The following PCDHA4 variants were observed in gnomAD, a reference collection of about 807,000 sequenced individuals.
PCDHA4 encodes protocadherin alpha-4.
A neutral mutation model predicts 61.4 loss-of-function variants in PCDHA4; 49 were observed. The ratio of observed to expected loss-of-function variants is 0.80; its 90% confidence interval spans 0.63 to 1.01. The LOEUF (loss-of-function observed/expected upper bound fraction) is 1.01, where lower values mean the gene tolerates loss of function less well. PCDHA4 is among the 50% of genes least tolerant of loss of function. PCDHA4 has a pLI of 0.00. For synonymous variants in PCDHA4, 590 were observed against 550.3 expected (o/e 1.07, Z -1.01); for missense variants, 1,254 against 1,235.8 (o/e 1.01, Z -0.22).
chr5:140,834,216 C>A, intron 1 of PCDHA4: 2 of 658,062 alleles, frequency 3.0e-6, no homozygotes, highest in South Asian at 2.3e-5. Flanking sequence ...CTTTCGTAAT[C>A]AGCAAAAGGA....
At chr5:140,969,588 T>A in intron 1 of PCDHA4, 1 of 849,870 alleles carries the variant, frequency 1.2e-6, no homozygotes, top group Non-Finnish European at 1.8e-6. Context: ...GGATTAGTCT[T>A]AATATTTAAT....
intron 1 of PCDHA4, among the ~76,000 whole-genome samples, chr5:140,978,596 C>T (rs2096811689): frequency 6.6e-6 from 1 of 152,204 alleles, no homozygotes; most frequent in African/African-American, 2.4e-5. Context: ...CTTAATGGGG[C>T]ACTTGAGGGC....
chr5:140,928,854 G>A (rs2085594573), intron 1 of PCDHA4: 1 of 1,614,178 alleles, frequency 6.2e-7, no homozygotes, highest in Non-Finnish European at 8.5e-7. Context: ...CTCTGGGTGT[G>A]CTGTTGAGCA....
At chr5:140,864,608 T>C (rs1180007033) in intron 1 of PCDHA4, 3 of 152,188 alleles carry the variant, frequency 2.0e-5, no homozygotes, top group Non-Finnish European at 4.4e-5. Context: ...GCCAACAACT[T>C]TGTTCTTTTT....
chr5:140,842,130 A>C (rs2150330073), intron 1 of PCDHA4: 1 of 1,613,892 alleles, frequency 6.2e-7, no homozygotes, highest in Non-Finnish European at 8.5e-7. Flanking sequence ...TCTGATCCGG[A>C]TGAAGGAGCC....
At chr5:140,949,181 A>G (rs2094350223) in intron 1 of PCDHA4, among the ~76,000 whole-genome samples, 2 of 151,604 alleles carry the variant, frequency 1.3e-5, no homozygotes, top group Non-Finnish European at 3.0e-5. Context: ...CAGAGAACAT[A>G]CTCTGCATGA....
At chr5:140,902,395 G>A (rs782771913) in intron 1 of PCDHA4, among the ~76,000 whole-genome samples, 2 of 151,802 alleles carry the variant, frequency 1.3e-5, no homozygotes, top group Non-Finnish European at 2.9e-5. Context: ...GTACTATGTT[G>A]AATACTATGT....
chr5:140,945,182 A>G (rs2093754559), intron 1 of PCDHA4, among the ~76,000 whole-genome samples: 1 of 152,174 alleles, frequency 6.6e-6, no homozygotes, highest in Non-Finnish European at 1.5e-5. Context: ...ATAAATCAAG[A>G]AAACCATGCT....
chr5:140,983,218 C>T (rs757778991), intron 3 of PCDHA4, among the ~76,000 whole-genome samples: 10 of 152,128 alleles, frequency 6.6e-5, no homozygotes, highest in Non-Finnish European at 1.5e-4. Flanking sequence ...ATTTCCTAAT[C>T]CAAACTTTCA....
Position 140,807,105 on chromosome 5 carries a change from G to T in PCDHA4, c.-83G>T. ...TGGAGTCTGAAATATGGAGGATGCA[G>T]CTGCACTTGACTGACCGATTAAAAG... On this transcript the variant is annotated 5_prime_UTR_variant, in exon 1 of 4. Coordinates refer to ENST00000530339, the MANE Select transcript of PCDHA4 (RefSeq NM_018907.4). The T allele has an allele frequency of 1.4e-6, 2 of 1,454,342 alleles. No homozygotes were observed. Among genetic ancestry groups the T allele is most frequent in the Non-Finnish European group, 1.9e-6 (2 of 1,066,796 alleles). The allele number at this position is 1,454,342 out of a possible 1,614,324, so 90.1% of individuals were successfully genotyped here. A position where few individuals can be genotyped will look rare whatever the true frequency, so the allele number is the denominator to read the frequency against.
At chr5:140,843,610 G>A (rs1554140251) in intron 1 of PCDHA4, 2 of 1,595,980 alleles carry the variant, frequency 1.3e-6, no homozygotes, top group South Asian at 1.1e-5. Context: ...CTGGTGAGGG[G>A]CCACCGAAGA....
intron 1 of PCDHA4, chr5:140,834,412 G>A (rs2150217251): frequency 3.1e-6 from 5 of 1,611,044 alleles, no homozygotes; most frequent in Non-Finnish European, 4.2e-6. Context: ...TACGACCCAG[G>A]GGGCCGACAT....
chr5:140,830,704 T>A (rs1771209661), intron 1 of PCDHA4: 2 of 264,612 alleles, frequency 7.6e-6, no homozygotes, highest in Non-Finnish European at 1.4e-5. Flanking sequence ...ACCTCAGAAT[T>A]TTTGTCTTCA....
Position 141,010,653 on chromosome 5 carries a change from A to G in PCDHA4, c.*716A>G. On this transcript the variant is annotated 3_prime_UTR_variant, in exon 4 of 4. Transcript: ENST00000530339. ...TGCAAGCCAACAGTTCAGTGTTTTA[A>G]CAGAGAACCACCCTGGGAAACAGAA... 5.9e-6 allele frequency: 1 copy of G among 170,180 alleles called. No individual in the cohort carries two copies. The highest frequency in any genetic ancestry group is 1.3e-5 in the Non-Finnish European group (1 of 78,244). 10.5% of individuals were successfully genotyped at this position (170,180 alleles called of 1,614,324 possible). A position where few individuals can be genotyped will look rare whatever the true frequency, so the allele number is the denominator to read the frequency against.
At chr5:140,979,083 C>T (rs563728648) in intron 2 of PCDHA4, 76 bp downstream of exon 2, 207 of 1,562,578 alleles carry the variant, frequency 1.3e-4, no homozygotes, top group Admixed American at 6.5e-4. Context: ...TCTCCATAGG[C>T]CAGAAGCAGC....
chr5:140,910,055 T>A (rs1554194090), intron 1 of PCDHA4, among the ~76,000 whole-genome samples: 1 of 152,218 alleles, frequency 6.6e-6, no homozygotes, highest in Non-Finnish European at 1.5e-5. Flanking sequence ...TAATAAGTGA[T>A]CTTTTAACAG....
At position 140,807,301 on chromosome 5, in the gene PCDHA4, G is replaced by T. The variant is rs1554123853; in HGVS notation, c.114G>T (p.Glu38Asp). The T allele has an allele frequency of 1.2e-6, 2 of 1,614,166 alleles. No homozygotes were observed. Among genetic ancestry groups the T allele is most frequent in the Non-Finnish European group, 8.5e-7 (1 of 1,180,040 alleles). Reference sequence around the variant, plus strand: ...AGCTCCACTACTCGGTCTCCGAGGAGGCCAAACACGGCACCTTCGTGGGCC... The same window carrying T: ...AGCTCCACTACTCGGTCTCCGAGGATGCCAAACACGGCACCTTCGTGGGCC... ...NGQLHYSVSEEAKHGTFVGRI... is the reference protein window; with the variant it reads ...NGQLHYSVSEDAKHGTFVGRI... The change falls in exon 1 of 4, where the codon GAG (glutamate) becomes GAT (aspartate). Residue 38 changes from glutamate (E) to aspartate (D), a missense_variant. Transcript: ENST00000530339.
intron 1 of PCDHA4, chr5:140,827,914 G>T: frequency 4.6e-6 from 4 of 864,114 alleles, no homozygotes; most frequent in Non-Finnish European, 5.4e-6. Flanking sequence ...GCATGATGTC[G>T]CTGTCTACCA....
At chr5:140,830,248 A>C (rs1554132663) in intron 1 of PCDHA4, 3 of 1,613,824 alleles carry the variant, frequency 1.9e-6, no homozygotes, top group Non-Finnish European at 2.5e-6. Context: ...TGCTGTACAC[A>C]GCGCTGCGGT....
Sources: allele counts gnomAD v4.1 joint callset (sites outside exome capture counted in the v4.1 genomes callset), GRCh38; gene constraint gnomAD v4.1.1; transcripts MANE v1.5; gene names NCBI Gene and HGNC (gene_info 2026-07-23, HGNC 2026-07-21).